DOC2B: variants seen among roughly 807,000 people sequenced by gnomAD.
The protein encoded by DOC2B is double C2 domain beta, also known as double C2-like domain-containing protein beta.
In DOC2B, 21 loss-of-function variants were observed where a neutral mutation model predicts 28.9. That is an observed-to-expected ratio of 0.73 (90% CI 0.52 to 1.05). The LOEUF (loss-of-function observed/expected upper bound fraction) is 1.05, where lower values mean the gene tolerates loss of function less well. Among genes scored for constraint, DOC2B ranks in the 50% least tolerant of loss-of-function variants. The probability of loss-of-function intolerance (pLI) is 0.00; values close to 1 mark genes in which losing one functional copy is unlikely to be tolerated. For synonymous variants in DOC2B, 194 were observed against 178.1 expected, an observed-to-expected ratio of 1.09 and a Z score of -0.71; for missense variants, 384 against 421.1, an observed-to-expected ratio of 0.91 and a Z score of 0.77.
At chr17:177,021 T>C (rs2040377406) in intron 1 of DOC2B, among the ~76,000 whole-genome samples, 1 of 139,040 alleles carries the variant, frequency 7.2e-6, no homozygotes, top group South Asian at 2.4e-4. Context: ...ATAGGAAATC[T>C]GCCCTGATTT....
At chr17:161,010 T>G (rs2040195846) in intron 5 of DOC2B, among the ~76,000 whole-genome samples, 1 of 151,982 alleles carries the variant, frequency 6.6e-6, no homozygotes, top group African/African-American at 2.4e-5. Context: ...GGATCTGCCC[T>G]TCCCTCACCC....
intron 1 of DOC2B, among the ~76,000 whole-genome samples, chr17:173,279 C>T (rs889698770): frequency 5.9e-5 from 9 of 152,142 alleles, no homozygotes; most frequent in Admixed American, 1.3e-4. Context: ...CCTCCCTCCC[C>T]GGGGGCAATC....
intron 6 of DOC2B, among the ~76,000 whole-genome samples, chr17:153,332 T>G (rs756220002): frequency 7.2e-5 from 11 of 152,198 alleles, no homozygotes; most frequent in African/African-American, 2.7e-4. Flanking sequence ...GGTAAGACTC[T>G]GCTTTCTGGG....
intron 2 of DOC2B, among the ~76,000 whole-genome samples, chr17:172,053 G>A (rs1482714715): frequency 6.6e-6 from 1 of 152,122 alleles, no homozygotes; most frequent in Non-Finnish European, 1.5e-5. Flanking sequence ...CCCACGTAGT[G>A]AGGCTCAGAG....
intron 6 of DOC2B, 71 bp downstream of exon 6, chr17:156,149 G>A (rs2040132113): frequency 8.2e-6 from 12 of 1,465,630 alleles, no homozygotes; most frequent in African/African-American, 2.8e-5. Flanking sequence ...CTGGGACCAC[G>A]GAGCCGGCAC....
At chr17:149,259 G>A (rs1157687631) in intron 6 of DOC2B, 67 bp from the exon 7 acceptor site, 2 of 398,880 alleles carry the variant, frequency 5.0e-6, no homozygotes, top group Non-Finnish European at 8.8e-6. Context: ...CAAGCCAGCA[G>A]GTATTCAAAG....
chr17:159,207 G>C (rs2040171290), intron 5 of DOC2B, among the ~76,000 whole-genome samples: 1 of 152,026 alleles, frequency 6.6e-6, no homozygotes, highest in Non-Finnish European at 1.5e-5. Flanking sequence ...CCTACCGCCA[G>C]AGGCCTGGCA....
chr17:181,001 G>C lies in DOC2B; in HGVS notation c.373+106C>G, dbSNP rs1326328564. The C allele has an allele frequency of 2.0e-6, 2 of 991,680 alleles. No homozygotes were observed. The highest frequency in any genetic ancestry group is 1.3e-6 in the Non-Finnish European group (1 of 774,894). The allele number at this position is 991,680 out of a possible 1,614,324, so 61.4% of individuals were successfully genotyped here. On this transcript the variant is annotated intron_variant, in intron 1 of 8. Coordinates refer to ENST00000613549, the MANE Select transcript of DOC2B (RefSeq NM_003585.5). This position sits in a 1 kb window ranked among gnomAD's most constrained non-coding sequence, Gnocchi z 7.0. ...CGCGGCGGGGTTGTGAACCGAGGCA[G>C]AGCGCGAGCGCGCGAGGGGGACCGG...
At chr17:149,359 C>A (rs1419970925) in intron 6 of DOC2B, among the ~76,000 whole-genome samples, 167 bp from the exon 7 acceptor site, 1 of 152,094 alleles carries the variant, frequency 6.6e-6, no homozygotes, top group Admixed American at 6.5e-5. Context: ...AAAGGCGAGA[C>A]GTTGTTTTCG....
intron 5 of DOC2B, among the ~76,000 whole-genome samples, chr17:160,139 C>G (rs889129854): frequency 1.3e-5 from 2 of 152,090 alleles, no homozygotes; most frequent in Non-Finnish European, 2.9e-5. Flanking sequence ...CATGCACCCC[C>G]ACACCCGGCT....
intron 1 of DOC2B, among the ~76,000 whole-genome samples, chr17:174,993 A>C (rs919358713): frequency 6.6e-6 from 1 of 152,164 alleles, no homozygotes; most frequent in African/African-American, 2.4e-5. Flanking sequence ...TAATCCCAGC[A>C]CTTTGGGAGG....
chr17:157,136 C>T (rs564110392), intron 5 of DOC2B, among the ~76,000 whole-genome samples: 21 of 152,362 alleles, frequency 1.4e-4, no homozygotes, highest in African/African-American at 4.1e-4. Flanking sequence ...CCCGGCCTGG[C>T]GCGCTCGGCT....
intron 6 of DOC2B, among the ~76,000 whole-genome samples, chr17:153,128 G>A (rs997820516): frequency 1.3e-5 from 2 of 152,126 alleles, no homozygotes; most frequent in Non-Finnish European, 2.9e-5. Context: ...ACAGGGAGTG[G>A]CCCACAGCTC....
chr17:178,607 C>T (rs191979246), intron 1 of DOC2B, among the ~76,000 whole-genome samples: 1 of 152,354 alleles, frequency 6.6e-6, no homozygotes, highest in African/African-American at 2.4e-5. Context: ...CATTCACTGC[C>T]TTTCCTCCCT....
At chr17:174,854 C>T (rs1262781464) in intron 1 of DOC2B, among the ~76,000 whole-genome samples, 1 of 152,234 alleles carries the variant, frequency 6.6e-6, no homozygotes. Context: ...GTGTGGGGCT[C>T]ATGCCTGTCA....
At chr17:156,870 T>C (rs1197885063) in intron 5 of DOC2B, among the ~76,000 whole-genome samples, 1 of 152,216 alleles carries the variant, frequency 6.6e-6, no homozygotes, top group Non-Finnish European at 1.5e-5. Flanking sequence ...TGAGCCACCG[T>C]GCCCAGCTGG....
intron 1 of DOC2B, among the ~76,000 whole-genome samples, chr17:173,129 C>T (rs1315886542): frequency 3.3e-5 from 5 of 152,216 alleles, no homozygotes; most frequent in African/African-American, 1.2e-4. Context: ...CCGTTGGGAA[C>T]CCCGAGCAGG....
At chr17:158,949 C>T (rs1555522912) in intron 5 of DOC2B, among the ~76,000 whole-genome samples, 1 of 148,538 alleles carries the variant, frequency 6.7e-6, no homozygotes, top group East Asian at 2.0e-4. Flanking sequence ...GAGGCTGAGG[C>T]AGAAGAATCA....
At chr17:153,213 C>T (rs2040091554) in intron 6 of DOC2B, among the ~76,000 whole-genome samples, 1 of 152,190 alleles carries the variant, frequency 6.6e-6, no homozygotes, top group South Asian at 2.1e-4. Context: ...TCCAGCAGCA[C>T]CCACAGCAGC....
Sources: gnomAD v4.1 joint callset for allele counts (sites outside exome capture counted in the v4.1 genomes callset) on GRCh38, gnomAD v4.1.1 for gene constraint, Gnocchi (gnomAD v3.1) non-coding constraint, MANE v1.5 for transcripts, NCBI Gene and HGNC (gene_info 2026-07-23, HGNC 2026-07-21) for gene names.